FSD2: variants seen among roughly 807,000 people sequenced by gnomAD.
The protein encoded by FSD2 is fibronectin type III and SPRY domain-containing protein 2.
In FSD2, 71 loss-of-function variants were observed where a neutral mutation model predicts 80.4. The ratio of observed to expected loss-of-function variants is 0.88; its 90% CI spans 0.73 to 1.08. FSD2 has a LOEUF of 1.08. Ranked by LOEUF, FSD2 falls within the 50% of genes least tolerant of loss-of-function variation. FSD2 has a pLI of 0.00. For missense variants in FSD2, 923 were observed against 913.8 expected (o/e 1.01, Z -0.13); for synonymous variants, 361 against 329.5 (o/e 1.10, Z -1.03).
intron 7 of FSD2, 129 bp from the exon 8 acceptor site, chr15:82,770,013 C>G: frequency 1.0e-6 from 1 of 975,812 alleles, no homozygotes; most frequent in Non-Finnish European, 1.5e-6. Flanking sequence ...TATGCACTCC[C>G]TCTGCAGCAT....
intron 6 of FSD2, among the ~76,000 whole-genome samples, chr15:82,778,158 A>ATATATATATATGTATATATATAT (rs1482215584): frequency 3.9e-5 from 5 of 129,068 alleles, no homozygotes; most frequent in African/African-American, 1.3e-4. Flanking sequence ...ATATATATAT[A>ATATATATATATGTATATATATAT]ATAACTATTA....
In FSD2 at chr15:82,762,090, A is replaced by G. The variant is rs1261703630; in HGVS notation, c.1997+12T>C. On this transcript the variant is annotated intron_variant, in intron 12 of 12. Coordinates refer to ENST00000334574, the MANE Select transcript of FSD2 (RefSeq NM_001007122.4). ...GCAAATTTTAATTGTGAGTATCCAG[A>G]TTTTACTTTACCTTGATGATGCAAA... 3 of 1,564,746 alleles carry G rather than the reference A, an allele frequency of 1.9e-6. No individual in the cohort carries two copies. The Admixed American group carries it at 5.9e-5, about 31-fold the overall frequency.
intron 3 of FSD2, among the ~76,000 whole-genome samples, chr15:82,785,801 C>T (rs752085584): frequency 1.3e-5 from 2 of 152,064 alleles, no homozygotes; most frequent in Non-Finnish European, 2.9e-5. Flanking sequence ...TAACAACTCC[C>T]GAAACCAACG....
intron 7 of FSD2, among the ~76,000 whole-genome samples, chr15:82,771,639 A>G (rs2049574826): frequency 1.3e-5 from 2 of 152,154 alleles, no homozygotes; most frequent in Non-Finnish European, 2.9e-5. Flanking sequence ...AGGCCCCCTC[A>G]CCCCTCATGG....
chr15:82,777,801 C>T (rs1272993341), intron 6 of FSD2, among the ~76,000 whole-genome samples: 8 of 148,744 alleles, frequency 5.4e-5, no homozygotes, highest in African/African-American at 1.0e-4. Context: ...GAGCCAAGAT[C>T]GTGCCACTGT....
chr15:82,769,081 C>T (rs1429338444), intron 8 of FSD2, 51 bp from the exon 9 acceptor site: 1 of 1,427,786 alleles, frequency 7.0e-7, no homozygotes, highest in Non-Finnish European at 9.2e-7. Flanking sequence ...TCATTTCCAG[C>T]TGTTTTGTTC....
intron 1 of FSD2, among the ~76,000 whole-genome samples, chr15:82,791,241 G>A (rs538125029): frequency 9.2e-5 from 14 of 152,164 alleles, no homozygotes; most frequent in African/African-American, 2.9e-4. Flanking sequence ...CTTGTGGTCC[G>A]CCCGTCTCGG....
chr15:82,803,191 T>C (rs1162037206), intron 1 of FSD2, among the ~76,000 whole-genome samples: 2 of 152,132 alleles, frequency 1.3e-5, no homozygotes, highest in East Asian at 3.9e-4. Context: ...AAAATCCCAC[T>C]ATTTCCCTCT....
At chr15:82,768,594 TTGAA>T (rs3047206) in intron 9 of FSD2, among the ~76,000 whole-genome samples, 72 of 151,168 alleles carry the variant, frequency 4.8e-4, no homozygotes, top group South Asian at 1.2e-3. Flanking sequence ...TCAATGCATG[TTGAA>T]TGAATGAATG....
chr15:82,762,168 CG>C lies in FSD2; in HGVS notation c.1930del (p.Arg644ValfsTer15). On this transcript the variant is annotated frameshift_variant, in exon 12 of 13. Transcript: ENST00000334574. LOFTEE classifies it high-confidence loss of function. The part of the protein sequence containing the change: ...YRVGVAFADV[R>X]KQEDLGANCL... ...ATTTGCTCCCAGATCCTCCTGTTTACGGACATCTGCAAAGGCCACACCAACT... is the reference window on the plus strand; with the variant it reads ...ATTTGCTCCCAGATCCTCCTGTTTACGACATCTGCAAAGGCCACACCAACT... 6.2e-7 allele frequency: 1 copy of C among 1,612,996 alleles called. No individual in the cohort carries two copies. Among genetic ancestry groups the C allele is most frequent in the Non-Finnish European group, 8.5e-7 (1 of 1,179,512 alleles).
At chr15:82,778,628 C>T in intron 6 of FSD2, 138 bp downstream of exon 6, 10 of 926,084 alleles carry the variant, frequency 1.1e-5, no homozygotes, top group Non-Finnish European at 1.6e-5. Flanking sequence ...CAACACAGTA[C>T]CTGTATTTAA....
chr15:82,803,055 C>G (rs1258077346), intron 1 of FSD2, among the ~76,000 whole-genome samples: 1 of 152,066 alleles, frequency 6.6e-6, no homozygotes, highest in Non-Finnish European at 1.5e-5. Context: ...GTCAAGGAGG[C>G]TCCAGACAAG....
intron 1 of FSD2, among the ~76,000 whole-genome samples, chr15:82,796,636 A>G (rs1432975312): frequency 2.0e-5 from 3 of 152,176 alleles, no homozygotes; most frequent in African/African-American, 7.2e-5. Flanking sequence ...ACAATAGATG[A>G]CTAGTTCATT....
rs557095267 is a variant in FSD2, at chr15:82,804,217, C to T, written c.-79+1749G>A. Among the ~76,000 whole-genome samples the T allele has an allele frequency of 1.6e-3, 236 of 152,114 alleles. 1 individual carries two copies. The highest frequency in any genetic ancestry group is 5.3e-3 in the African/African-American group (221 of 41,480). On this transcript the variant is annotated intron_variant, in intron 1 of 12. Coordinates refer to ENST00000334574, the MANE Select transcript of FSD2 (RefSeq NM_001007122.4). ...GCCGATGATGAAAGAAGGCACCAAGCAGAACAGCCTCATAACCACGCACAG... is the reference window on the plus strand; with the variant it reads ...GCCGATGATGAAAGAAGGCACCAAGTAGAACAGCCTCATAACCACGCACAG...
chr15:82,793,951 T>G (rs1219325166), intron 1 of FSD2, among the ~76,000 whole-genome samples: 1 of 152,192 alleles, frequency 6.6e-6, no homozygotes, highest in Non-Finnish European at 1.5e-5. Flanking sequence ...AATCTGCTTT[T>G]GGTTTCTTTA....
intron 1 of FSD2, among the ~76,000 whole-genome samples, chr15:82,799,781 T>C (rs984371080): frequency 3.3e-5 from 5 of 152,140 alleles, no homozygotes; most frequent in Admixed American, 6.5e-5. Flanking sequence ...GGGGTTCTGG[T>C]TAAACGTAGA....
Position 82,766,050 on chromosome 15 carries a change from C to T in FSD2, c.1554-19G>A. 9 of 1,560,904 alleles carry T rather than the reference C, an allele frequency of 5.8e-6. No homozygotes were observed. The highest frequency in any genetic ancestry group is 7.8e-6 in the Non-Finnish European group (9 of 1,155,938). On this transcript the variant is annotated intron_variant, in intron 9 of 12. Coordinates refer to ENST00000334574, the MANE Select transcript of FSD2 (RefSeq NM_001007122.4). ...AACAGACCTGTACAAGGAAGCAGAGCTGCAGTCAGAATGGGGCTAGGACAC... is the reference window on the plus strand; with the variant it reads ...AACAGACCTGTACAAGGAAGCAGAGTTGCAGTCAGAATGGGGCTAGGACAC...
At chr15:82,764,526 A>C (rs1596228532) in intron 11 of FSD2, among the ~76,000 whole-genome samples, 3 of 76,068 alleles carry the variant, frequency 3.9e-5, no homozygotes, top group Admixed American at 1.5e-4. Flanking sequence ...AAGGAGTCTC[A>C]CTCTGTTGCC....
intron 4 of FSD2, among the ~76,000 whole-genome samples, chr15:82,780,622 C>T (rs1416023305): frequency 2.6e-5 from 4 of 151,662 alleles, no homozygotes; most frequent in Non-Finnish European, 4.4e-5. Context: ...CATGAGCCAC[C>T]GTGCCTGGCT....
Sources: allele counts gnomAD v4.1 joint callset (sites outside exome capture counted in the v4.1 genomes callset), GRCh38; gene constraint gnomAD v4.1.1; transcripts MANE v1.5; gene names NCBI Gene and HGNC (gene_info 2026-07-23, HGNC 2026-07-21).